SLC38A7: variants seen among roughly 807,000 people sequenced by gnomAD.
SLC38A7 encodes solute carrier family 38 member 7.
In SLC38A7, 29 loss-of-function variants were observed where a neutral mutation model predicts 50.1. The observed-to-expected ratio is 0.58, with a 90% CI of 0.43 to 0.79. The LOEUF (loss-of-function observed/expected upper bound fraction) is 0.79, where lower values mean the gene tolerates loss of function less well. SLC38A7 is among the 30% of genes least tolerant of loss of function. SLC38A7 has a pLI of 0.00. For missense variants in SLC38A7, 483 were observed against 610.6 expected, an observed-to-expected ratio of 0.79 and a Z score of 2.20; for synonymous variants, 244 against 245.9, an observed-to-expected ratio of 0.99 and a Z score of 0.07.
chr16:58,671,017 T>G lies in SLC38A7; in HGVS notation c.1231+28A>C, dbSNP rs1451447229. 2.6e-6 allele frequency: 4 copies of G among 1,560,540 alleles called. No individual in the cohort carries two copies. The Admixed American group carries it at 7.7e-5, about 30-fold the overall frequency. ...GCCCTGGGAGTCTGTGCTGTGGGGCTGTGAGATGGGGCGCCAGGGGTCCGC... is the reference window on the plus strand; with the variant it reads ...GCCCTGGGAGTCTGTGCTGTGGGGCGGTGAGATGGGGCGCCAGGGGTCCGC... On this transcript the variant is annotated intron_variant, in intron 10 of 11. Coordinates refer to ENST00000219320, the MANE Select transcript of SLC38A7 (RefSeq NM_018231.3).
chr16:58,683,731 C>A (rs2044438270), intron 2 of SLC38A7: 1 of 152,390 alleles, frequency 6.6e-6, no homozygotes, highest in Non-Finnish European at 1.5e-5. Flanking sequence ...AGGCTTGGTG[C>A]GGCTTCCTGA....
Position 58,678,408 on chromosome 16 carries a change from G to A in SLC38A7, c.536C>T (p.Thr179Ile), listed in dbSNP as rs763941676. The A allele has an allele frequency of 6.2e-7, 1 of 1,600,856 alleles. No homozygotes were observed. Among genetic ancestry groups the A allele is most frequent in the South Asian group, 1.1e-5 (1 of 89,188 alleles). The change falls in exon 5 of 12, where the codon ACC becomes ATC. Residue 179 changes from threonine (T) to isoleucine (I), a missense_variant. By Grantham distance (89) the Thr-to-Ile change is moderately conservative. Transcript: ENST00000219320. This position sits in a 1 kb window ranked among gnomAD's most constrained non-coding sequence, Gnocchi z 4.0. ...GAAGAGGAAGGCAGTGAGGCTGATGGTGAACTTGCGGTCTGTGTACCAAGG... is the reference window on the plus strand; with the variant it reads ...GAAGAGGAAGGCAGTGAGGCTGATGATGAACTTGCGGTCTGTGTACCAAGG... ...SGPWYTDRKF[T>I]ISLTAFLFIL...
At chr16:58,677,603 A>G (rs2044297481) in intron 5 of SLC38A7, 179 bp from the exon 6 acceptor site, 2 of 603,636 alleles carry the variant, frequency 3.3e-6, no homozygotes, top group Non-Finnish European at 6.0e-6. Context: ...TGCCACAGCT[A>G]GGAAGGAGCT....
At position 58,680,069 on chromosome 16, in the gene SLC38A7, C is replaced by T. The variant is rs11558679; in HGVS notation, c.58G>A (p.Gly20Arg). Residue 20 changes from glycine to arginine, a missense_variant, in exon 3 of 12, where the codon GGG becomes AGG. Physicochemically the swap from Gly to Arg is moderately radical, Grantham distance 125 (BLOSUM62 -2). Transcript: ENST00000219320. ...CTCTGCAGCAGCCGAGCCCGCTCCC[C>T]GGCATCCGTGCTCAAGTCCCACTCG... is the stretch of plus-strand genomic sequence containing the variant. ...YSEWDLSTDA[G>R]ERARLLQSPC... is the part of the protein sequence containing the mutation. 54 of 1,575,070 alleles carry T rather than the reference C, an allele frequency of 3.4e-5. No homozygotes were observed. Among genetic ancestry groups the T allele is most frequent in the Non-Finnish European group, 4.5e-5 (52 of 1,160,220 alleles).
chr16:58,672,646 T>A (rs2044181366), intron 8 of SLC38A7, among the ~76,000 whole-genome samples: 1 of 152,118 alleles, frequency 6.6e-6, no homozygotes, highest in Non-Finnish European at 1.5e-5. Context: ...CACGCTGTCT[T>A]ATTTTTCTTT....
At chr16:58,675,328 G>C in intron 8 of SLC38A7, 1 of 423,746 alleles carries the variant, frequency 2.4e-6, no homozygotes, top group South Asian at 1.7e-5. Context: ...GCAACATAGT[G>C]AGACCTTGTC....
chr16:58,667,433 G>C lies in SLC38A7; in HGVS notation c.1341C>G (p.Ile447Met). The C allele has an allele frequency of 1.2e-6, 2 of 1,614,052 alleles. No homozygotes were observed. The highest frequency in any genetic ancestry group is 1.7e-6 in the Non-Finnish European group (2 of 1,180,032). ...GVLLVTLGAFIFGQTTANAIF... is the reference protein window; with the variant it reads ...GVLLVTLGAFMFGQTTANAIF... ...TGGCGTTGGCTGTGGTCTGGCCGAA[G>C]ATGAAGGCTCCCAGGGTGACCAAGA... The change falls in exon 12 of 12, where the codon ATC becomes ATG. Residue 447 changes from isoleucine (I) to methionine (M), a missense_variant. Physicochemically the swap from Ile to Met is conservative, Grantham distance 10. Transcript: ENST00000219320.
In SLC38A7 at chr16:58,678,043, C is replaced by T. The variant is rs1272679562; in HGVS notation, c.611+290G>A. Among the ~76,000 whole-genome samples the T allele has an allele frequency of 2.0e-5, 3 of 152,118 alleles. No homozygotes were observed. The highest frequency in any genetic ancestry group is 4.4e-5 in the Non-Finnish European group (3 of 68,036). On this transcript the variant is annotated intron_variant, in intron 5 of 11. Coordinates refer to ENST00000219320, the MANE Select transcript of SLC38A7 (RefSeq NM_018231.3). This position sits in a 1 kb window ranked among gnomAD's most constrained non-coding sequence, Gnocchi z 4.0. ...GGGAATGCCAGGAGGCTGCCTTCACCGCCCAGATACCACCTGTTCCTTCTT... is the reference window on the plus strand; with the variant it reads ...GGGAATGCCAGGAGGCTGCCTTCACTGCCCAGATACCACCTGTTCCTTCTT...
rs1171049106 is a variant in SLC38A7 at position 58,667,238 on chromosome 16, C to T, written c.*147G>A. The T allele has an allele frequency of 1.3e-6, 1 of 765,334 alleles. No homozygotes were observed. Among genetic ancestry groups the T allele is most frequent in the Non-Finnish European group, 2.2e-6 (1 of 463,396 alleles). 47.4% of individuals were successfully genotyped at this position (765,334 alleles called of 1,614,324 possible). ...ATTTGAGCTGTCCAGAGGTGTGGGG[C>T]CTGAGTTTGCCCCAGTCCCTGGAAG... On this transcript the variant is annotated 3_prime_UTR_variant, in exon 12 of 12. Coordinates refer to ENST00000219320, the MANE Select transcript of SLC38A7 (RefSeq NM_018231.3).
chr16:58,669,804 G>A (rs8063838), intron 11 of SLC38A7, among the ~76,000 whole-genome samples: 25,532 of 133,658 alleles, frequency 0.19, 2,624 homozygotes, highest in African/African-American at 0.32. Context: ...GTGAAACCTC[G>A]TCTCTACTAA....
intron 11 of SLC38A7, 123 bp downstream of exon 11, chr16:58,669,988 CAA>C: frequency 1.3e-6 from 1 of 775,862 alleles, no homozygotes; most frequent in Non-Finnish European, 1.9e-6. Context: ...AAAAAAAAAA[CAA>C]AACAAAAACC....
intron 9 of SLC38A7, 67 bp downstream of exon 9, chr16:58,672,029 C>A: frequency 8.5e-7 from 1 of 1,183,164 alleles, no homozygotes; most frequent in Admixed American, 2.6e-5. Context: ...CCACACAAGG[C>A]CAAAGGACCA....
In SLC38A7 at chr16:58,672,350, G is replaced by A. The variant is rs1240677911; in HGVS notation, c.884-107C>T. 4 of 1,239,808 alleles carry A rather than the reference G, an allele frequency of 3.2e-6. No homozygotes were observed. In the Admixed American group the frequency reaches 7.7e-5, roughly 24 times the overall value. The allele number at this position is 1,239,808 out of a possible 1,614,324, so 76.8% of individuals were successfully genotyped here. ...GCCTGGAGGCTGCAGCAGCAGCTCTGGACACTTAGACGGAGGCTCAGAGTG... is the reference window on the plus strand; with the variant it reads ...GCCTGGAGGCTGCAGCAGCAGCTCTAGACACTTAGACGGAGGCTCAGAGTG... On this transcript the variant is annotated intron_variant, in intron 8 of 11. Coordinates refer to ENST00000219320, the MANE Select transcript of SLC38A7 (RefSeq NM_018231.3).
intron 2 of SLC38A7, 87 bp from the exon 3 acceptor site, chr16:58,680,328 A>G (rs2044363691): frequency 3.8e-6 from 2 of 532,246 alleles, no homozygotes; most frequent in Admixed American, 3.8e-5. Flanking sequence ...CCAAGATCAC[A>G]TGGGTAGGGT....
At position 58,677,420 on chromosome 16, in the gene SLC38A7, G is replaced by A; in HGVS notation, c.616C>T (p.Leu206=). The A allele has an allele frequency of 6.2e-7, 1 of 1,614,078 alleles. No individual in the cohort carries two copies. Among genetic ancestry groups the A allele is most frequent in the South Asian group, 1.1e-5 (1 of 91,084 alleles). Residue 206 remains leucine, a synonymous_variant, in exon 6 of 12, where the codon CTG becomes TTG. Transcript: ENST00000219320. ...EIGFQKYASF[L]SVVGTWYVTA... is the part of the protein sequence containing the mutation. ...ACGTACCAGGTACCCACGACGCTCA[G>A]GAAGCTGCCGGGAAGGAGAGACTAA...
rs2044314377 is a variant in SLC38A7 at position 58,678,374 on chromosome 16, G to C, written c.570C>G (p.Pro190=). The change falls in exon 5 of 12, where the codon CCC becomes CCG. Residue 190 remains proline, a synonymous_variant. Coordinates refer to ENST00000219320, the MANE Select transcript of SLC38A7 (RefSeq NM_018231.3). The surrounding 1 kb of genome is among the most constrained non-coding windows in gnomAD (Gnocchi z 4.0). ...AACCAATCTCCCTGGGGATGGAGAG[G>C]GGCAGGATGAAGAGGAAGGCAGTGA... ...ISLTAFLFIL[P]LSIPREIGFQ... 1.3e-6 allele frequency: 2 copies of C among 1,598,216 alleles called. No homozygotes were observed. The highest frequency in any genetic ancestry group is 8.5e-7 in the Non-Finnish European group (1 of 1,171,906).
At position 58,680,203 on chromosome 16, in the gene SLC38A7, C is replaced by T. The variant is rs973552603; in HGVS notation, c.-77G>A. Reference sequence around the variant, plus strand: ...CATGCCTCAGGGAGCTGAGCAACACCCACCTGTTTGGGGCTGTTAGCTTAG... The same window carrying T: ...CATGCCTCAGGGAGCTGAGCAACACTCACCTGTTTGGGGCTGTTAGCTTAG... On this transcript the variant is annotated 5_prime_UTR_variant, in exon 3 of 12. Transcript: ENST00000219320. 1 of 1,455,476 alleles carries T rather than the reference C, an allele frequency of 6.9e-7. No individual in the cohort carries two copies. Among genetic ancestry groups the T allele is most frequent in the African/African-American group, 1.4e-5 (1 of 70,458 alleles). 90.2% of individuals were successfully genotyped at this position (1,455,476 alleles called of 1,614,324 possible).
intron 6 of SLC38A7, 58 bp downstream of exon 6, chr16:58,677,268 C>T: frequency 6.8e-7 from 1 of 1,480,214 alleles, no homozygotes; most frequent in East Asian, 2.3e-5. Flanking sequence ...TGACCCAGCA[C>T]CTGCTGGGGC....
rs760358313 is a variant in SLC38A7 at position 58,676,330 on chromosome 16, C to A, written c.727G>T (p.Ala243Ser). 9.3e-6 allele frequency: 15 copies of A among 1,614,142 alleles called. No individual in the cohort carries two copies. Among genetic ancestry groups the A allele is most frequent in the Admixed American group, 3.3e-5 (2 of 60,012 alleles). The change falls in exon 7 of 12, where the codon GCT becomes TCT. Residue 243 changes from alanine to serine, a missense_variant. Transcript: ENST00000219320. Reference protein sequence around the residue: ...NILTRPASWMAVFNAMPTICF... With the variant: ...NILTRPASWMSVFNAMPTICF... ...ATGGTGGGCATGGCATTGAACACAG[C>A]CATCCAGGAAGCCGGCCTGTGAACA...
Sources: allele counts gnomAD v4.1 joint callset (sites outside exome capture counted in the v4.1 genomes callset), GRCh38; gene constraint gnomAD v4.1.1; non-coding constraint Gnocchi (gnomAD v3.1); transcripts MANE v1.5; gene names NCBI Gene and HGNC (gene_info 2026-07-23, HGNC 2026-07-21).